The following ARHGAP18 variants were observed in gnomAD, a reference collection of about 807,000 sequenced individuals.
The protein encoded by ARHGAP18 is Rho GTPase activating protein 18.
A neutral mutation model predicts 86.2 loss-of-function variants in ARHGAP18; 67 were observed. The observed-to-expected ratio is 0.78, with a 90% CI of 0.64 to 0.95. The LOEUF (loss-of-function observed/expected upper bound fraction) is 0.95, where lower values mean the gene tolerates loss of function less well. Ranked by LOEUF, ARHGAP18 falls within the 40% of genes least tolerant of loss-of-function variation. The pLI, the probability that ARHGAP18 is intolerant of heterozygous loss-of-function variation, is 0.00. For synonymous variants in ARHGAP18, 283 were observed against 280.4 expected (o/e 1.01, Z -0.09); for missense variants, 691 against 780.4 (o/e 0.89, Z 1.37).
At chr6:129,620,509 A>G (rs1278182548) in intron 5 of ARHGAP18, among the ~76,000 whole-genome samples, 1 of 152,220 alleles carries the variant, frequency 6.6e-6, no homozygotes, top group African/African-American at 2.4e-5. Flanking sequence ...CAGAAAGCAA[A>G]CCACAAGATA....
rs753118091 is a variant in ARHGAP18 at position 129,591,890 on chromosome 6, T to C, written c.1713+7326A>G. On this transcript the variant is annotated intron_variant, in intron 12 of 14. Coordinates refer to ENST00000368149, the MANE Select transcript of ARHGAP18 (RefSeq NM_033515.3). ...ATCTTAAACTAAAATGGTATATTCATCACCCTAGTCTGAACTGACAATACT... is the reference window on the plus strand; with the variant it reads ...ATCTTAAACTAAAATGGTATATTCACCACCCTAGTCTGAACTGACAATACT... 3.3e-5 allele frequency among the ~76,000 whole-genome samples: 5 copies of C among 152,204 alleles called. 1 individual carries two copies. Among genetic ancestry groups the C allele is most frequent in the African/African-American group, 4.8e-5 (2 of 41,448 alleles).
chr6:129,606,952 T>A (rs576075209), intron 9 of ARHGAP18, among the ~76,000 whole-genome samples: 65 of 151,788 alleles, frequency 4.3e-4, no homozygotes, highest in Non-Finnish European at 7.1e-4. Flanking sequence ...CCTCCACCTC[T>A]CAGGTTCAAG....
chr6:129,660,056 G>C (rs1773920972), intron 1 of ARHGAP18, among the ~76,000 whole-genome samples: 3 of 152,172 alleles, frequency 2.0e-5, no homozygotes, highest in African/African-American at 4.8e-5. Context: ...ACAACCCCCT[G>C]GGGGAGGGAG....
intron 12 of ARHGAP18, among the ~76,000 whole-genome samples, chr6:129,589,305 A>T (rs1468951488): frequency 6.6e-6 from 1 of 152,224 alleles, no homozygotes; most frequent in Non-Finnish European, 1.5e-5. Flanking sequence ...TCCACCAGAT[A>T]CCCTAAATCA....
chr6:129,698,311 TTC>T (rs1774655515), intron 1 of ARHGAP18, among the ~76,000 whole-genome samples: 1 of 152,166 alleles, frequency 6.6e-6, no homozygotes, highest in Non-Finnish European at 1.5e-5. Flanking sequence ...CTTAAAGCCT[TTC>T]TGAGTTACCC....
Position 129,578,649 on chromosome 6 carries a change from G to A in ARHGAP18, c.1901-45C>T, listed in dbSNP as rs758928284. ...GTCAGTTTAATACAGCAGGTAGATT[G>A]GTATGCAATTTTAAACTTAAGCTTA... is the stretch of plus-strand genomic sequence containing the variant. On this transcript the variant is annotated intron_variant, in intron 14 of 14. Transcript: ENST00000368149. The A allele has an allele frequency of 2.7e-6, 4 of 1,461,252 alleles. No individual in the cohort carries two copies. The East Asian group carries it at 7.0e-5, about 25-fold the overall frequency. 90.5% of individuals were successfully genotyped at this position (1,461,252 alleles called of 1,614,324 possible). A position where few individuals can be genotyped will look rare whatever the true frequency, so the allele number is the denominator to read the frequency against.
At chr6:129,704,986 C>A (rs970324496) in intron 1 of ARHGAP18, among the ~76,000 whole-genome samples, 1 of 152,176 alleles carries the variant, frequency 6.6e-6, no homozygotes, top group Admixed American at 6.5e-5. Context: ...AGGCTTATGG[C>A]TTCTACACTC....
At chr6:129,692,501 T>C (rs1357650963) in intron 1 of ARHGAP18, among the ~76,000 whole-genome samples, 1 of 152,172 alleles carries the variant, frequency 6.6e-6, no homozygotes, top group Non-Finnish European at 1.5e-5. Flanking sequence ...CACAGAATTT[T>C]AGGGGATAAA....
intron 12 of ARHGAP18, among the ~76,000 whole-genome samples, chr6:129,589,909 A>G (rs1788476685): frequency 6.6e-6 from 1 of 152,214 alleles, no homozygotes; most frequent in Non-Finnish European, 1.5e-5. Context: ...TGAAGGTCAG[A>G]CAGCCCCTGG....
chr6:129,610,093 A>G (rs760318796), intron 8 of ARHGAP18, among the ~76,000 whole-genome samples: 2 of 152,234 alleles, frequency 1.3e-5, no homozygotes, highest in Non-Finnish European at 2.9e-5. Context: ...GGATTTTCAA[A>G]TTCAGGAAGA....
intron 1 of ARHGAP18, among the ~76,000 whole-genome samples, chr6:129,655,317 C>CAAAAAAAAAAAAA (rs55681217): frequency 4.0e-5 from 3 of 75,072 alleles, no homozygotes; most frequent in Non-Finnish European, 5.3e-5. Context: ...AAAACTCTCT[C>CAAAAAAAAAAAAA]AAAAAAAAAA....
chr6:129,695,296 C>G (rs1342591220), intron 1 of ARHGAP18, among the ~76,000 whole-genome samples: 1 of 152,208 alleles, frequency 6.6e-6, no homozygotes, highest in East Asian at 1.9e-4. Context: ...CGCTTGCTAA[C>G]TGCAGTAAAC....
intron 1 of ARHGAP18, among the ~76,000 whole-genome samples, chr6:129,692,272 C>T (rs925671997): frequency 1.3e-5 from 2 of 152,212 alleles, no homozygotes; most frequent in African/African-American, 4.8e-5. Flanking sequence ...TTCCTCTCCT[C>T]AAAGGCAGGC....
At chr6:129,660,385 G>A (rs1485028037) in intron 1 of ARHGAP18, among the ~76,000 whole-genome samples, 1 of 152,156 alleles carries the variant, frequency 6.6e-6, no homozygotes, top group Non-Finnish European at 1.5e-5. Flanking sequence ...ATGCCTGGGT[G>A]ACCAATTAGA....
intron 1 of ARHGAP18, among the ~76,000 whole-genome samples, chr6:129,676,912 CCTCTTTTTTTTTTTT>C (rs1460059940): frequency 2.9e-4 from 30 of 103,880 alleles, no homozygotes; most frequent in Admixed American, 4.0e-4. Flanking sequence ...AATTTTTTGT[CCTCTTTTTTTTTTTT>C]TTTTTTTTTT....
intron 9 of ARHGAP18, 142 bp from the exon 10 acceptor site, chr6:129,606,101 T>C: frequency 1.4e-6 from 1 of 712,488 alleles, no homozygotes; most frequent in South Asian, 1.7e-5. Flanking sequence ...CTGCAAGCCT[T>C]GTTGAGAGTG....
Position 129,663,985 on chromosome 6 carries a change from T to C in ARHGAP18, c.114-21967A>G, listed in dbSNP as rs1230172224. ...GTTTTTTTCTTGTAACATGTTTCTC[T>C]GAGCAGGCAGCAGGTGTGGTGGGGC... On this transcript the variant is annotated intron_variant, in intron 1 of 14. Coordinates refer to ENST00000368149, the MANE Select transcript of ARHGAP18 (RefSeq NM_033515.3). Among the ~76,000 whole-genome samples the C allele has an allele frequency of 2.0e-5, 3 of 152,284 alleles. 1 individual carries two copies. The highest frequency in any genetic ancestry group is 2.0e-4 in the Admixed American group (3 of 15,292).
rs745383100 is a variant in ARHGAP18, at chr6:129,605,962, G to A, written c.1283-3C>T. 6.2e-7 allele frequency: 1 copy of A among 1,612,266 alleles called. No individual in the cohort carries two copies. The highest frequency in any genetic ancestry group is 1.3e-5 in the African/African-American group (1 of 74,856). ...TTGCTGCTTCTTGGTTGGAAGATCT[G>A]CAGACAAATTAAATAAATCTGAACT... On this transcript the variant is annotated splice_region_variant and splice_polypyrimidine_tract_variant and intron_variant, in intron 9 of 14. Transcript: ENST00000368149.
At chr6:129,594,141 T>A (rs1202567961) in intron 12 of ARHGAP18, among the ~76,000 whole-genome samples, 1 of 152,144 alleles carries the variant, frequency 6.6e-6, no homozygotes. Flanking sequence ...CCTTGAAGAA[T>A]GTTTATGATC....
Sources: gnomAD v4.1 joint callset for allele counts (sites outside exome capture counted in the v4.1 genomes callset) on GRCh38, gnomAD v4.1.1 for gene constraint, MANE v1.5 for transcripts, NCBI Gene and HGNC (gene_info 2026-07-23, HGNC 2026-07-21) for gene names.